LIPG: variants seen among roughly 807,000 people sequenced by gnomAD.
LIPG encodes lipase G, endothelial type.
Under a neutral mutation model 51.8 loss-of-function variants are expected in LIPG, and 34 were observed. That is an observed-to-expected ratio of 0.66 (90% CI 0.50 to 0.87). The LOEUF is 0.87. LIPG is among the 40% of genes least tolerant of loss of function. LIPG has a pLI of 0.00. For synonymous variants in LIPG, 246 were observed against 246.1 expected, an observed-to-expected ratio of 1.00 and a Z score of 0.00; for missense variants, 580 against 652.7, an observed-to-expected ratio of 0.89 and a Z score of 1.21.
rs1381615472 is a variant in LIPG, at chr18:49,583,889, G to C, written c.1376+115G>C. The C allele has an allele frequency of 6.3e-6, 6 of 955,736 alleles. No homozygotes were observed. In the African/African-American group the frequency reaches 9.9e-5, roughly 16 times the overall value. 59.2% of individuals were successfully genotyped at this position (955,736 alleles called of 1,614,324 possible). ...CCTCAATCCTTCCCTCCAGCATGCA[G>C]GTAAAACTTCAAACACCTTTGCAAG... On this transcript the variant is annotated intron_variant, in intron 8 of 9. Transcript: ENST00000261292.
At chr18:49,563,407 G>A in intron 1 of LIPG, among the ~76,000 whole-genome samples, 1 of 152,088 alleles carries the variant, frequency 6.6e-6, no homozygotes, top group East Asian at 1.9e-4. Context: ...CTGAGTATGT[G>A]TGAGTCATTT....
At chr18:49,589,739 A>T (rs2084920074) in intron 9 of LIPG, 1 of 152,736 alleles carries the variant, frequency 6.5e-6, no homozygotes. Flanking sequence ...GGCATGAGCC[A>T]CTGTGCCCAG....
chr18:49,576,456 G>GTTTTTTTTTT (rs1568530697), intron 5 of LIPG, among the ~76,000 whole-genome samples: 1 of 31,332 alleles, frequency 3.2e-5, no homozygotes, highest in Non-Finnish European at 6.3e-5. Flanking sequence ...ACAGAATCTT[G>GTTTTTTTTTT]CTTTTTTTTT....
intron 8 of LIPG, among the ~76,000 whole-genome samples, chr18:49,585,419 AATTTTACAT>A (rs1206196178): frequency 2.0e-5 from 3 of 152,194 alleles, no homozygotes; most frequent in Non-Finnish European, 4.4e-5. Flanking sequence ...GATGCTTCTG[AATTTTACAT>A]GAGTGGACAT....
At chr18:49,579,025 A>C (rs1433814252) in intron 5 of LIPG, among the ~76,000 whole-genome samples, 1 of 90 alleles carries the variant, frequency 0.011, no homozygotes, top group East Asian at 0.17. Context: ...GGAGAGGGAG[A>C]GGGAGAGGGA....
At chr18:49,574,175 G>A (rs2084691747) in intron 4 of LIPG, among the ~76,000 whole-genome samples, 1 of 152,146 alleles carries the variant, frequency 6.6e-6, no homozygotes, top group Admixed American at 6.5e-5. Context: ...AGCTGTTCTG[G>A]TTGGGATAAA....
Position 49,597,552 on chromosome 18 carries a change from CCTTGACTTTCCTTAAATCATACCGG to C in LIPG, c.*7031_*7055del, listed in dbSNP as rs1180684832. The C allele has an allele frequency of 6.6e-6, 1 of 152,214 alleles. No individual in the cohort carries two copies. The highest frequency in any genetic ancestry group is 1.9e-4 in the East Asian group (1 of 5,198). The allele number at this position is 152,214 out of a possible 1,614,324, so 9.4% of individuals were successfully genotyped here. On this transcript the variant is annotated 3_prime_UTR_variant, in exon 10 of 10. Transcript: ENST00000261292. ...CTTTGTGGTTATCCATACCATTTAA[CCTTGACTTTCCTTAAATCATACCGG>C]TGCGTGTGTGTGTGCAGAGGGAAAG...
Position 49,582,356 on chromosome 18 carries a change from C to T in LIPG, c.1037-6C>T. The T allele has an allele frequency of 6.2e-7, 1 of 1,614,192 alleles. No individual in the cohort carries two copies. The highest frequency in any genetic ancestry group is 1.3e-5 in the African/African-American group (1 of 75,058). On this transcript the variant is annotated splice_polypyrimidine_tract_variant and splice_region_variant and intron_variant, in intron 6 of 9. Transcript: ENST00000261292. ...TACAAGCATCTTTGTTCTGCTGTCA[C>T]TGCAGTTTACCATTATCAGATGAAA... is the stretch of plus-strand genomic sequence containing the variant.
rs1029085491 is a variant in LIPG, at chr18:49,596,707, C to T, written c.*6185C>T. The T allele has an allele frequency of 6.6e-6, 1 of 151,538 alleles. No individual in the cohort carries two copies. Among genetic ancestry groups the T allele is most frequent in the Non-Finnish European group, 1.5e-5 (1 of 68,012 alleles). 9.4% of individuals were successfully genotyped at this position (151,538 alleles called of 1,614,324 possible). A position where few individuals can be genotyped will look rare whatever the true frequency, so the allele number is the denominator to read the frequency against. On this transcript the variant is annotated 3_prime_UTR_variant, in exon 10 of 10. Coordinates refer to ENST00000261292, the MANE Select transcript of LIPG (RefSeq NM_006033.4). ...AGGTGGACAATTACCCTTTTGTCAG[C>T]CGTTCCTCTGTTGCTGACCATTAGA...
intron 4 of LIPG, 89 bp from the exon 5 acceptor site, chr18:49,575,280 T>A: frequency 9.9e-7 from 1 of 1,005,142 alleles, no homozygotes. Flanking sequence ...TCATCTTCAT[T>A]CTGCACACTC....
upstream of LIPG, chr18:49,561,551 G>A: frequency 1.6e-6 from 1 of 641,306 alleles, no homozygotes; most frequent in Non-Finnish European, 2.2e-6. Context: ...ACCTGTTGCG[G>A]CCCTCGCTAG....
In LIPG at chr18:49,582,493, C is replaced by A. The variant is rs1342054673; in HGVS notation, c.1157+11C>A. The A allele has an allele frequency of 5.0e-6, 8 of 1,614,044 alleles. No homozygotes were observed. The Middle Eastern group carries it at 4.9e-4, about 99-fold the overall frequency. The stretch of plus-strand genomic sequence containing the variant: ...TCTGCCACTGGAAATGTAAGTCATC[C>A]GTTTCCCTTGCTGGGTTCGGGACAG... On this transcript the variant is annotated intron_variant, in intron 7 of 9. Transcript: ENST00000261292.
chr18:49,578,063 C>T (rs1245934974), intron 5 of LIPG, among the ~76,000 whole-genome samples: 50 of 133,230 alleles, frequency 3.8e-4, no homozygotes, highest in Admixed American at 2.1e-3. Flanking sequence ...GCTGGCCGGG[C>T]GGGGGGGCTG....
At chr18:49,590,173 TTGTGTG>T (rs57137391) in intron 9 of LIPG, 12,961 of 371,292 alleles carry the variant, frequency 0.035, 245 homozygotes, top group African/African-American at 0.094. Flanking sequence ...GTGTCCATGA[TTGTGTG>T]TGTGTGTGTG....
Position 49,581,968 on chromosome 18 carries a change from A to G in LIPG, c.1036+311A>G, listed in dbSNP as rs1019324869. On this transcript the variant is annotated intron_variant, in intron 6 of 9. Coordinates refer to ENST00000261292, the MANE Select transcript of LIPG (RefSeq NM_006033.4). The stretch of plus-strand genomic sequence containing the variant: ...TCATTTGATCATCACAAGAAACCTG[A>G]GGCAGATGAACAGGGGACCAAAATG... The G allele has an allele frequency of 5.1e-6, 3 of 587,306 alleles. No homozygotes were observed. In the African/African-American group the frequency reaches 5.6e-5, roughly 11 times the overall value. The allele number at this position is 587,306 out of a possible 1,614,324, so 36.4% of individuals were successfully genotyped here.
intron 4 of LIPG, among the ~76,000 whole-genome samples, chr18:49,572,432 G>T (rs1187863091): frequency 2.0e-5 from 3 of 152,128 alleles, no homozygotes; most frequent in Non-Finnish European, 4.4e-5. Context: ...CTACGGAGGG[G>T]GAAACTAGGA....
intron 1 of LIPG, among the ~76,000 whole-genome samples, chr18:49,563,995 G>A (rs1485767349): frequency 1.3e-5 from 2 of 152,126 alleles, no homozygotes; most frequent in African/African-American, 4.8e-5. Flanking sequence ...CATTATGTCC[G>A]TGGTTCAAAT....
intron 9 of LIPG, chr18:49,590,157 A>C (rs2143983632): frequency 2.4e-6 from 1 of 414,390 alleles, no homozygotes; most frequent in South Asian, 2.3e-5. Flanking sequence ...TTCTCCCCAC[A>C]CTTGTGTGTC....
In LIPG at chr18:49,582,502, T is replaced by A; in HGVS notation, c.1157+20T>A. 1 of 1,614,198 alleles carries A rather than the reference T, an allele frequency of 6.2e-7. No homozygotes were observed. The highest frequency in any genetic ancestry group is 1.1e-5 in the South Asian group (1 of 91,082). On this transcript the variant is annotated intron_variant, in intron 7 of 9. Transcript: ENST00000261292. ...GGAAATGTAAGTCATCCGTTTCCCTTGCTGGGTTCGGGACAGAGAACAGGT... is the reference window on the plus strand; with the variant it reads ...GGAAATGTAAGTCATCCGTTTCCCTAGCTGGGTTCGGGACAGAGAACAGGT...
Sources: allele counts gnomAD v4.1 joint callset (sites outside exome capture counted in the v4.1 genomes callset), GRCh38; gene constraint gnomAD v4.1.1; transcripts MANE v1.5; gene names NCBI Gene and HGNC (gene_info 2026-07-23, HGNC 2026-07-21).